STK36: variants seen among roughly 807,000 people sequenced by gnomAD.
STK36 encodes serine/threonine kinase 36.
A neutral mutation model predicts 142.2 loss-of-function variants in STK36; 116 were observed. That is an observed-to-expected ratio of 0.82 (90% confidence interval 0.70 to 0.95). The LOEUF (loss-of-function observed/expected upper bound fraction) is 0.95. Ranked by LOEUF, STK36 falls within the 40% of genes least tolerant of loss-of-function variation. The pLI is 0.00. For synonymous variants in STK36, 619 were observed against 641.7 expected (o/e 0.96, Z 0.53); for missense variants, 1,422 against 1,617.2 (o/e 0.88, Z 2.07).
intron 10 of STK36, among the ~76,000 whole-genome samples, chr2:218,683,748 C>A (rs1418532837): frequency 1.3e-5 from 2 of 152,068 alleles, no homozygotes; most frequent in South Asian, 4.1e-4. Flanking sequence ...CCCCACCCCA[C>A]AACAGTCCCC....
intron 2 of STK36, 68 bp downstream of exon 2, chr2:218,672,981 T>A: frequency 7.2e-7 from 1 of 1,394,442 alleles, no homozygotes; most frequent in Non-Finnish European, 1.0e-6. Context: ...AAAATGGATC[T>A]AGAAGGAATG....
rs1388735128 is a variant in STK36 at position 218,692,719 on chromosome 2, T to A, written c.2043+9T>A. On this transcript the variant is annotated intron_variant, in intron 16 of 26. Coordinates refer to ENST00000295709, the MANE Select transcript of STK36 (RefSeq NM_015690.5). The stretch of plus-strand genomic sequence containing the variant: ...GGGATGCCAAGGAGCAGGTCCGAGC[T>A]ACAATTGGTTGTTCCTCTCATCCTA... 3 of 1,608,082 alleles carry A rather than the reference T, an allele frequency of 1.9e-6. No homozygotes were observed. The highest frequency in any genetic ancestry group is 2.5e-6 in the Non-Finnish European group (3 of 1,177,804).
At position 218,702,115 on chromosome 2, in the gene STK36, T is replaced by A; in HGVS notation, c.*106T>A. The A allele has an allele frequency of 7.2e-7, 1 of 1,387,300 alleles. No individual in the cohort carries two copies. Among genetic ancestry groups the A allele is most frequent in the Non-Finnish European group, 9.7e-7 (1 of 1,031,794 alleles). 85.9% of individuals were successfully genotyped at this position (1,387,300 alleles called of 1,614,324 possible). On this transcript the variant is annotated 3_prime_UTR_variant, in exon 27 of 27. Transcript: ENST00000295709. ...AGAGCTAAAGAGACTAGAAAAGAGA[T>A]AAGCTGCCAACTCAACTGAGAACAA... is the stretch of plus-strand genomic sequence containing the variant.
At chr2:218,682,812 T>C (rs1448343580) in intron 10 of STK36, among the ~76,000 whole-genome samples, 1 of 152,094 alleles carries the variant, frequency 6.6e-6, no homozygotes, top group Non-Finnish European at 1.5e-5. Context: ...AGGTTGGTCT[T>C]GAACTCCTGG....
At chr2:218,676,419 C>A in intron 6 of STK36, 141 bp downstream of exon 6, 4 of 1,140,646 alleles carry the variant, frequency 3.5e-6, no homozygotes, top group Middle Eastern at 3.0e-4. Flanking sequence ...TCTGTTCTCG[C>A]ATTGCTATAC....
In STK36 at chr2:218,699,019, C is replaced by T; in HGVS notation, c.3475C>T (p.Leu1159Phe). 1 of 1,614,156 alleles carries T rather than the reference C, an allele frequency of 6.2e-7. No individual in the cohort carries two copies. The highest frequency in any genetic ancestry group is 8.5e-7 in the Non-Finnish European group (1 of 1,180,024). Reference sequence around the variant, plus strand: ...GTCTGGACTGCTCAGCCTTCTGCTGCTTGGGCTTGGAGACAAGGATCCTGT... The same window carrying T: ...GTCTGGACTGCTCAGCCTTCTGCTGTTTGGGCTTGGAGACAAGGATCCTGT... ...SQSGLLSLLLLGLGDKDPVVR... is the reference protein window; with the variant it reads ...SQSGLLSLLLFGLGDKDPVVR... Residue 1159 changes from leucine to phenylalanine, a missense_variant, in exon 26 of 27, where the codon CTT (leucine) becomes TTT (phenylalanine). By Grantham distance (22) the Leu-to-Phe change is conservative (BLOSUM62 0). Coordinates refer to ENST00000295709, the MANE Select transcript of STK36 (RefSeq NM_015690.5).
chr2:218,680,920 C>T (rs954733614), intron 10 of STK36, among the ~76,000 whole-genome samples: 1 of 152,214 alleles, frequency 6.6e-6, no homozygotes, highest in African/African-American at 2.4e-5. Context: ...CTCATTGAAT[C>T]AGTCTCCAAG....
chr2:218,679,242 T>C lies in STK36; in HGVS notation c.759T>C (p.Phe253=). Residue 253 remains phenylalanine (F), a synonymous_variant, in exon 7 of 27, where the codon TTT becomes TTC. Coordinates refer to ENST00000295709, the MANE Select transcript of STK36 (RefSeq NM_015690.5). Reference sequence around the variant, plus strand: ...GGCCAGACCTCTTATATCACCCCTTTATTGCTGGTCATGTCACCAGTGAGT... The same window carrying C: ...GGCCAGACCTCTTATATCACCCCTTCATTGCTGGTCATGTCACCAGTGAGT... ...LSWPDLLYHP[F]IAGHVTIITE... 6.2e-7 allele frequency: 1 copy of C among 1,614,192 alleles called. No individual in the cohort carries two copies. Among genetic ancestry groups the C allele is most frequent in the Non-Finnish European group, 8.5e-7 (1 of 1,180,026 alleles).
rs1575117810 is a variant in STK36, at chr2:218,672,852, A to G, written c.23A>G (p.Glu8Gly). 1 of 1,614,062 alleles carries G rather than the reference A, an allele frequency of 6.2e-7. No homozygotes were observed. The highest frequency in any genetic ancestry group is 8.5e-7 in the Non-Finnish European group (1 of 1,179,966). Residue 8 changes from glutamate to glycine, a missense_variant, in exon 2 of 27, where the codon GAG becomes GGG. Glu to Gly is a moderately conservative substitution (Grantham distance 98, BLOSUM62 -2). This residue lies in a region of STK36 where 460 missense variants were observed against 449.6 expected (regional missense o/e 1.02). Coordinates refer to ENST00000295709, the MANE Select transcript of STK36 (RefSeq NM_015690.5). Reference sequence around the variant, plus strand: ...GTCATGGAAAAGTACCACGTGTTGGAGATGATTGGAGAAGGCTCTTTTGGG... The same window carrying G: ...GTCATGGAAAAGTACCACGTGTTGGGGATGATTGGAGAAGGCTCTTTTGGG... MEKYHVL[E>G]MIGEGSFGRV...
chr2:218,678,512 A>G (rs1223447439), intron 6 of STK36, among the ~76,000 whole-genome samples: 1 of 152,200 alleles, frequency 6.6e-6, no homozygotes, highest in African/African-American at 2.4e-5. Context: ...ATCCATAGTT[A>G]TACAGCTCAC....
At position 218,699,275 on chromosome 2, in the gene STK36, A is replaced by C. The variant is rs1575145265; in HGVS notation, c.3731A>C (p.Asp1244Ala). The C allele has an allele frequency of 6.2e-7, 1 of 1,613,546 alleles. No individual in the cohort carries two copies. The highest frequency in any genetic ancestry group is 8.5e-7 in the Non-Finnish European group (1 of 1,179,924). ...PQRLLEMACGDPQPNVKEAAL... is the reference protein window; with the variant it reads ...PQRLLEMACGAPQPNVKEAAL... Reference sequence around the variant, plus strand: ...CGGCTCCTAGAAATGGCATGTGGAGACCCCCAGCCAAATGTGAAGGAGGCT... The same window carrying C: ...CGGCTCCTAGAAATGGCATGTGGAGCCCCCCAGCCAAATGTGAAGGAGGCT... Residue 1244 changes from aspartate (D) to alanine (A), a missense_variant, in exon 26 of 27, where the codon GAC (aspartate) becomes GCC (alanine). Asp to Ala is a moderately radical substitution (Grantham distance 126, BLOSUM62 -2). Transcript: ENST00000295709.
chr2:218,676,301 T>A (rs1467636161), intron 6 of STK36, 23 bp downstream of exon 6: 1 of 1,612,228 alleles, frequency 6.2e-7, no homozygotes, highest in South Asian at 1.1e-5. Context: ...GAAAGGGAGA[T>A]GACTTTTACA....
In STK36 at chr2:218,697,916, C is replaced by T; in HGVS notation, c.2972C>T (p.Pro991Leu). The part of the protein sequence containing the change: ...VLSVCQLLCF[P>L]FALDMDADLL... The stretch of plus-strand genomic sequence containing the variant: ...TCTGTCTGCCAGCTCCTTTGCTTCC[C>T]CTTTGCGCTGGACATGGATGCTGAC... The change falls in exon 25 of 27, where the codon CCC becomes CTC. Residue 991 changes from proline (P) to leucine (L), a missense_variant. Physicochemically the swap from Pro to Leu is moderately conservative, Grantham distance 98. Around this residue, in one of 2 missense-constraint regions of STK36, gnomAD observed 962 missense variants for 1,167.5 expected, o/e 0.82. Coordinates refer to ENST00000295709, the MANE Select transcript of STK36 (RefSeq NM_015690.5). The T allele has an allele frequency of 6.2e-7, 1 of 1,614,158 alleles. No individual in the cohort carries two copies. The highest frequency in any genetic ancestry group is 8.5e-7 in the Non-Finnish European group (1 of 1,180,036).
In STK36 at chr2:218,679,319, TC is replaced by T; in HGVS notation, c.778+61del. 9.3e-6 allele frequency: 14 copies of T among 1,510,908 alleles called. No homozygotes were observed. The South Asian group carries it at 1.6e-4, about 17-fold the overall frequency. The allele number at this position is 1,510,908 out of a possible 1,614,324, so 93.6% of individuals were successfully genotyped here. A position where few individuals can be genotyped will look rare whatever the true frequency, so the allele number is the denominator to read the frequency against. Reference sequence around the variant, plus strand: ...TTCCCAGTACTTCCTCTAAACTACTTCCCTTTCACTTCCCCGACCATCTAGA... The same window carrying T: ...TTCCCAGTACTTCCTCTAAACTACTTCCTTTCACTTCCCCGACCATCTAGA... On this transcript the variant is annotated intron_variant, in intron 7 of 26. Coordinates refer to ENST00000295709, the MANE Select transcript of STK36 (RefSeq NM_015690.5).
intron 11 of STK36, among the ~76,000 whole-genome samples, chr2:218,685,763 G>T (rs1349231995): frequency 1.3e-5 from 2 of 151,836 alleles, no homozygotes; most frequent in Non-Finnish European, 2.9e-5. Context: ...TTCCTTCCTG[G>T]GTACTCGCCA....
At chr2:218,686,626 G>A (rs1940791189) in intron 11 of STK36, among the ~76,000 whole-genome samples, 1 of 152,014 alleles carries the variant, frequency 6.6e-6, no homozygotes, top group African/African-American at 2.4e-5. Flanking sequence ...TCCGTTATAT[G>A]GATATATCAC....
chr2:218,692,408 ATAAC>A (rs1941039574), intron 15 of STK36, 115 bp downstream of exon 15: 1 of 1,506,184 alleles, frequency 6.6e-7, no homozygotes, highest in Non-Finnish European at 8.9e-7. Flanking sequence ...TGCTCAATAA[ATAAC>A]TGTGAACTGA....
chr2:218,692,113 T>C, intron 14 of STK36, 30 bp from the exon 15 acceptor site: 3 of 1,600,858 alleles, frequency 1.9e-6, no homozygotes, highest in Non-Finnish European at 2.6e-6. Flanking sequence ...TCTGATGCCC[T>C]GATGCTACCT....
chr2:218,693,283 A>C lies in STK36; in HGVS notation c.2087A>C (p.Gln696Pro), dbSNP rs145980892. 3,454 of 1,614,222 alleles carry C rather than the reference A, an allele frequency of 2.1e-3. 16 individuals are homozygous for C. Among genetic ancestry groups the C allele is most frequent in the Middle Eastern group, 2.3e-3 (14 of 6,062 alleles). Residue 696 changes from glutamine (Q) to proline (P), a missense_variant, in exon 17 of 27, where the codon CAG (glutamine) becomes CCG (proline). Physicochemically the swap from Gln to Pro is moderately conservative, Grantham distance 76 (BLOSUM62 -1). Around this residue, in one of 2 missense-constraint regions of STK36, gnomAD observed 962 missense variants for 1,167.5 expected, o/e 0.82. Transcript: ENST00000295709. The stretch of plus-strand genomic sequence containing the variant: ...AATCAGCTAACTGAAGACAGCAGCC[A>C]GCTCAGGCCATCCCTCATCTCTGGC... ...LANQLTEDSS[Q>P]LRPSLISGLQ...
Sources: allele counts gnomAD v4.1 joint callset (sites outside exome capture counted in the v4.1 genomes callset), GRCh38; gene constraint gnomAD v4.1.1; regional missense constraint gnomAD v4.1.1; transcripts MANE v1.5; gene names NCBI Gene and HGNC (gene_info 2026-07-23, HGNC 2026-07-21).